TEAD1: variants seen among roughly 807,000 people sequenced by gnomAD.
The protein encoded by TEAD1 is TEA domain transcription factor 1, also known as transcriptional enhancer factor TEF-1.
In TEAD1, 9 loss-of-function variants were observed where a neutral mutation model predicts 54.9. The ratio of observed to expected loss-of-function variants is 0.16; its 90% CI spans 0.10 to 0.29. The LOEUF (loss-of-function observed/expected upper bound fraction) is 0.29. TEAD1 is among the 10% of genes least tolerant of loss of function. The pLI is 1.00. For synonymous variants in TEAD1, 200 were observed against 187.8 expected, an observed-to-expected ratio of 1.07 and a Z score of -0.53; for missense variants, 387 against 535.9, an observed-to-expected ratio of 0.72 and a Z score of 2.74.
chr11:12,878,753 C>A (rs1173639319), intron 5 of TEAD1: 1 of 409,204 alleles, frequency 2.4e-6, no homozygotes, highest in Non-Finnish European at 3.7e-6. Flanking sequence ...TTTTATTGTT[C>A]CCAAGTATTA....
intron 3 of TEAD1, among the ~76,000 whole-genome samples, chr11:12,846,257 A>G (rs1215232905): frequency 1.5e-5 from 1 of 66,736 alleles, no homozygotes. Flanking sequence ...CCCACCCCCC[A>G]GAGCCTCCAC....
intron 2 of TEAD1, among the ~76,000 whole-genome samples, chr11:12,742,362 G>A (rs1944665209): frequency 6.6e-6 from 1 of 152,116 alleles, no homozygotes; most frequent in South Asian, 2.1e-4. Context: ...AATAATAAAA[G>A]TAAAGTTCTG....
chr11:12,944,718 G>T lies in TEAD1; in HGVS notation c.*7496G>T, dbSNP rs1038424972. 6.6e-6 allele frequency among the ~76,000 whole-genome samples: 1 copy of T among 152,096 alleles called. No individual in the cohort carries two copies. The highest frequency in any genetic ancestry group is 2.4e-5 in the African/African-American group (1 of 41,418). On this transcript the variant is annotated 3_prime_UTR_variant, in exon 13 of 13. Coordinates refer to ENST00000527636, the MANE Select transcript of TEAD1 (RefSeq NM_021961.6). ...TCATACGGTATCAATGAAAAATAAA[G>T]AAAATGAAAGTGTGGGTCACCTTTT...
intron 2 of TEAD1, among the ~76,000 whole-genome samples, chr11:12,745,608 CTGTT>C (rs1248615078): frequency 6.4e-4 from 83 of 129,808 alleles, no homozygotes; most frequent in African/African-American, 2.6e-3. Context: ...TTTTTTTGGA[CTGTT>C]TGCAGTGGAG....
chr11:12,794,314 A>G (rs560539877), intron 3 of TEAD1, among the ~76,000 whole-genome samples: 1 of 152,346 alleles, frequency 6.6e-6, no homozygotes, highest in East Asian at 1.9e-4. Context: ...CATTAGCGTG[A>G]TAGTCTCTTT....
intron 3 of TEAD1, among the ~76,000 whole-genome samples, chr11:12,829,995 T>C (rs1451917952): frequency 6.6e-6 from 1 of 152,078 alleles, no homozygotes; most frequent in Non-Finnish European, 1.5e-5. Context: ...GAGGTGATTT[T>C]CCTGAGCTGG....
intron 10 of TEAD1, chr11:12,904,919 T>C (rs1948493012): frequency 6.1e-6 from 2 of 328,812 alleles, no homozygotes; most frequent in East Asian, 1.0e-4. Flanking sequence ...GGGAATTTAC[T>C]TGAGGTCAGG....
intron 2 of TEAD1, among the ~76,000 whole-genome samples, chr11:12,746,576 G>C (rs1179275041): frequency 6.6e-6 from 1 of 152,210 alleles, no homozygotes; most frequent in Non-Finnish European, 1.5e-5. Flanking sequence ...ATTGAGTGTA[G>C]TTATGAATTT....
chr11:12,759,480 G>T (rs1029296435), intron 2 of TEAD1, among the ~76,000 whole-genome samples: 1 of 151,830 alleles, frequency 6.6e-6, no homozygotes, highest in African/African-American at 2.4e-5. Context: ...GAGTGTGTTT[G>T]GGAAAAAGTT....
At chr11:12,810,475 C>G (rs141447556) in intron 3 of TEAD1, among the ~76,000 whole-genome samples, 1 of 152,314 alleles carries the variant, frequency 6.6e-6, no homozygotes, top group Non-Finnish European at 1.5e-5. Context: ...TGGGAGAACT[C>G]TGGGCTCCTT....
At chr11:12,880,865 C>A in intron 6 of TEAD1, 140 bp from the exon 7 acceptor site, 1 of 946,192 alleles carries the variant, frequency 1.1e-6, no homozygotes, top group Non-Finnish European at 1.7e-6. Flanking sequence ...CAAGTGGTGA[C>A]CGCATTTGCA....
chr11:12,727,740 G>A (rs578012550), intron 2 of TEAD1, among the ~76,000 whole-genome samples: 11 of 152,278 alleles, frequency 7.2e-5, no homozygotes, highest in Non-Finnish European at 1.2e-4. Flanking sequence ...ATCTGTGTGA[G>A]ATGCCGTAGA....
chr11:12,888,972 T>C (rs991705483), intron 9 of TEAD1, among the ~76,000 whole-genome samples: 1 of 152,148 alleles, frequency 6.6e-6, no homozygotes, highest in Non-Finnish European at 1.5e-5. Flanking sequence ...CTGTGTCATG[T>C]GTAAACCAGA....
chr11:12,837,810 T>TC (rs2134028225), intron 3 of TEAD1, among the ~76,000 whole-genome samples: 2 of 110,146 alleles, frequency 1.8e-5, no homozygotes, highest in East Asian at 5.6e-4. Flanking sequence ...TTCTTCTTTT[T>TC]TTTTTTTTTG....
At chr11:12,765,223 G>A (rs1253324541) in intron 3 of TEAD1, among the ~76,000 whole-genome samples, 4 of 152,090 alleles carry the variant, frequency 2.6e-5, no homozygotes, top group Admixed American at 6.5e-5. Flanking sequence ...TTGCTTGCTG[G>A]GTTTGGGCAC....
intron 2 of TEAD1, among the ~76,000 whole-genome samples, chr11:12,700,395 A>G (rs2133837332): frequency 6.6e-6 from 1 of 152,364 alleles, no homozygotes; most frequent in African/African-American, 2.4e-5. Context: ...CTTTATGGAC[A>G]GGAATAGACT....
chr11:12,811,569 G>A (rs975153740), intron 3 of TEAD1, among the ~76,000 whole-genome samples: 51 of 152,192 alleles, frequency 3.4e-4, no homozygotes, highest in Non-Finnish European at 1.5e-4. Context: ...TTAGCATCTG[G>A]GAAGCCAGGG....
intron 3 of TEAD1, among the ~76,000 whole-genome samples, chr11:12,772,070 C>T (rs754232856): frequency 1.1e-4 from 17 of 152,184 alleles, no homozygotes; most frequent in Admixed American, 1.3e-4. Flanking sequence ...GACAGGACCA[C>T]ATTTTTAGAG....
rs10700151 is a variant in TEAD1, at chr11:12,821,961, CTTTTTTT to C, written c.203-40275_203-40269del. Among the ~76,000 whole-genome samples, 488 of 68,084 alleles carry C rather than the reference CTTTTTTT, an allele frequency of 7.2e-3. 42 individuals carry two copies. The highest frequency in any genetic ancestry group is 3.2e-3 in the Non-Finnish European group (127 of 40,018). 44.7% of individuals were successfully genotyped at this position (68,084 alleles called of 152,430 possible). A position where few individuals can be genotyped will look rare whatever the true frequency, so the allele number is the denominator to read the frequency against. On this transcript the variant is annotated intron_variant, in intron 3 of 12. Transcript: ENST00000527636. ...TACTCTCTCTCCTTTTTCTCTTTTC[CTTTTTTT>C]TTTTTTTTTTTTTGAGACAGAGTCT...
Sources: allele counts gnomAD v4.1 joint callset (sites outside exome capture counted in the v4.1 genomes callset), GRCh38; gene constraint gnomAD v4.1.1; transcripts MANE v1.5; gene names NCBI Gene and HGNC (gene_info 2026-07-23, HGNC 2026-07-21).